FAP: variants seen among roughly 807,000 people sequenced by gnomAD.
The protein encoded by FAP is prolyl endopeptidase FAP.
In FAP, 110 loss-of-function variants were observed where a neutral mutation model predicts 126.5. That is an observed-to-expected ratio of 0.87 (90% CI 0.74 to 1.02). The LOEUF (loss-of-function observed/expected upper bound fraction) is 1.02. Ranked by LOEUF, FAP falls within the 50% of genes least tolerant of loss-of-function variation. The pLI is 0.00. For missense variants in FAP, 919 were observed against 909.2 expected (o/e 1.01, Z -0.14); for synonymous variants, 334 against 297.3 (o/e 1.12, Z -1.27).
intron 14 of FAP, among the ~76,000 whole-genome samples, chr2:162,201,278 G>A (rs554159639): frequency 2.6e-5 from 4 of 152,234 alleles, no homozygotes; most frequent in South Asian, 2.1e-4. Flanking sequence ...TGGGATAACC[G>A]AAGTTTGGTT....
At chr2:162,234,923 G>C (rs1690048233) in intron 2 of FAP, among the ~76,000 whole-genome samples, 1 of 152,176 alleles carries the variant, frequency 6.6e-6, no homozygotes, top group Non-Finnish European at 1.5e-5. Flanking sequence ...GTTCTGGGTG[G>C]GCGTGGGCTT....
chr2:162,223,125 T>C (rs1689481630), intron 6 of FAP, among the ~76,000 whole-genome samples: 1 of 152,176 alleles, frequency 6.6e-6, no homozygotes, highest in South Asian at 2.1e-4. Context: ...CGTCAGATAT[T>C]TTTCTATTTT....
chr2:162,179,790 C>CTATCTATCTA (rs1553684067), intron 21 of FAP, among the ~76,000 whole-genome samples: 13 of 115,514 alleles, frequency 1.1e-4, no homozygotes, highest in African/African-American at 3.6e-4. Flanking sequence ...ATCTATCTAT[C>CTATCTATCTA]TATATATATA....
Position 162,173,133 on chromosome 2 carries a change from C to G in FAP, c.2107+16G>C. On this transcript the variant is annotated intron_variant, in intron 24 of 25. Transcript: ENST00000188790. ...GCTCAGTATTTTTATGTGTAAGAGT[C>G]TTGCTTAAACCTCACCATCTGCTGT... 6.2e-7 allele frequency: 1 copy of G among 1,606,488 alleles called. No individual in the cohort carries two copies. Among genetic ancestry groups the G allele is most frequent in the South Asian group, 1.1e-5 (1 of 90,906 alleles).
At chr2:162,195,227 C>A (rs1288765929) in intron 16 of FAP, among the ~76,000 whole-genome samples, 1 of 151,998 alleles carries the variant, frequency 6.6e-6, no homozygotes, top group African/African-American at 2.4e-5. Context: ...ATGCAGAAAT[C>A]TACATGGGAT....
chr2:162,222,658 T>C (rs886623286), intron 6 of FAP, among the ~76,000 whole-genome samples: 2 of 152,224 alleles, frequency 1.3e-5, no homozygotes, highest in African/African-American at 4.8e-5. Context: ...TGTCCACACT[T>C]AGCCAGGGTG....
At chr2:162,221,391 G>A (rs529399607) in intron 6 of FAP, among the ~76,000 whole-genome samples, 14 of 152,090 alleles carry the variant, frequency 9.2e-5, no homozygotes, top group African/African-American at 3.1e-4. Flanking sequence ...TAGCAGTGGT[G>A]GCACAAGCCT....
At chr2:162,192,815 A>G (rs775404508) in intron 17 of FAP, among the ~76,000 whole-genome samples, 1 of 152,156 alleles carries the variant, frequency 6.6e-6, no homozygotes, top group Non-Finnish European at 1.5e-5. Context: ...CCAATCATCC[A>G]AATAGCATTA....
intron 2 of FAP, among the ~76,000 whole-genome samples, chr2:162,237,793 A>G (rs1016517114): frequency 1.3e-5 from 2 of 152,196 alleles, no homozygotes; most frequent in Admixed American, 1.3e-4. Flanking sequence ...ACAATGGTTG[A>G]ACTAATTTAC....
chr2:162,173,676 G>T (rs750432861), intron 23 of FAP, 47 bp downstream of exon 23: 12 of 1,227,762 alleles, frequency 9.8e-6, no homozygotes, highest in Non-Finnish European at 1.2e-5. Context: ...AAGTTATTTA[G>T]CATATTAGAA....
rs747746841 is a variant in FAP, at chr2:162,170,957, C to T, written c.*22G>A. 8.9e-6 allele frequency: 14 copies of T among 1,577,196 alleles called. No homozygotes were observed. In the South Asian group the frequency reaches 1.6e-4, roughly 18 times the overall value. On this transcript the variant is annotated 3_prime_UTR_variant, in exon 26 of 26. Transcript: ENST00000188790. The stretch of plus-strand genomic sequence containing the variant: ...TATATAAGGTTTTCAGATTCTGATA[C>T]AGGCTTGCATCTGCATCGTTTTTAG...
At chr2:162,233,572 CT>C (rs1215251758) in intron 2 of FAP, among the ~76,000 whole-genome samples, 1 of 151,924 alleles carries the variant, frequency 6.6e-6, no homozygotes, top group African/African-American at 2.4e-5. Flanking sequence ...AGTTATTTAT[CT>C]TTTTATTATT....
intron 15 of FAP, among the ~76,000 whole-genome samples, chr2:162,199,594 A>G (rs1035769289): frequency 4.6e-5 from 7 of 152,154 alleles, no homozygotes; most frequent in African/African-American, 1.4e-4. Context: ...TTCCATGTGG[A>G]GGAGTTTAGA....
At position 162,170,879 on chromosome 2, in the gene FAP, A is replaced by G; in HGVS notation, c.*100T>C. On this transcript the variant is annotated 3_prime_UTR_variant, in exon 26 of 26. Coordinates refer to ENST00000188790, the MANE Select transcript of FAP (RefSeq NM_004460.5). ...TAGAACAACATTAATTTGTTTGTTT[A>G]TACTAGCATTTTACAACATAAAAAA... 2 of 856,064 alleles carry G rather than the reference A, an allele frequency of 2.3e-6. No individual in the cohort carries two copies. The highest frequency in any genetic ancestry group is 3.3e-5 in the South Asian group (2 of 60,494). The allele number at this position is 856,064 out of a possible 1,614,324, so 53.0% of individuals were successfully genotyped here.
At chr2:162,232,638 A>G (rs1689945170) in intron 2 of FAP, among the ~76,000 whole-genome samples, 1 of 152,216 alleles carries the variant, frequency 6.6e-6, no homozygotes, top group Non-Finnish European at 1.5e-5. Flanking sequence ...CTCAGCTCTA[A>G]CAGCAATTTT....
chr2:162,197,225 A>G (rs193092881), intron 16 of FAP, among the ~76,000 whole-genome samples: 3 of 152,328 alleles, frequency 2.0e-5, no homozygotes, highest in Admixed American at 1.3e-4. Flanking sequence ...TTAATTCCAC[A>G]AACATTGAAT....
chr2:162,195,961 G>T (rs1366421065), intron 16 of FAP, among the ~76,000 whole-genome samples: 3 of 151,996 alleles, frequency 2.0e-5, no homozygotes, highest in African/African-American at 7.2e-5. Flanking sequence ...TGATTTTTTT[G>T]TAGAGTTCTG....
chr2:162,217,832 C>T (rs1689211751), intron 9 of FAP, among the ~76,000 whole-genome samples, 154 bp downstream of exon 9: 1 of 152,142 alleles, frequency 6.6e-6, no homozygotes, highest in South Asian at 2.1e-4. Flanking sequence ...CAACAGATGT[C>T]CACATAAATA....
chr2:162,240,653 CAGA>C lies in FAP; in HGVS notation c.91+2252_91+2254del, dbSNP rs557619512. ...TTCCTGAGTGTGGCTTTAAGTTTCT[CAGA>C]AGAAGACAGTTCATACACTGGTGCA... On this transcript the variant is annotated intron_variant, in intron 2 of 25. Transcript: ENST00000188790. 4.2e-4 allele frequency among the ~76,000 whole-genome samples: 64 copies of C among 152,302 alleles called. 1 individual carries two copies. The South Asian group carries it at 0.011, about 25-fold the overall frequency.
Sources: allele counts gnomAD v4.1 joint callset (sites outside exome capture counted in the v4.1 genomes callset), GRCh38; gene constraint gnomAD v4.1.1; transcripts MANE v1.5; gene names NCBI Gene and HGNC (gene_info 2026-07-23, HGNC 2026-07-21).